Variants in GABRB3 observed in about 807,000 individuals in gnomAD.
GABRB3 encodes the protein gamma-aminobutyric acid receptor subunit beta-3.
GABRB3 carries 14 observed loss-of-function variants against 52.1 expected under a neutral mutation model. That is an observed-to-expected ratio of 0.27 (90% CI 0.18 to 0.42). The LOEUF (loss-of-function observed/expected upper bound fraction) is 0.42. Among genes scored for constraint, GABRB3 ranks in the 10% least tolerant of loss-of-function variants. The pLI is 1.00. For synonymous variants in GABRB3, 260 were observed against 232.3 expected (o/e 1.12, Z -1.08); for missense variants, 307 against 609.1 (o/e 0.50, Z 5.22).
At chr15:26,702,913 T>C (rs1305061417) in intron 3 of GABRB3, among the ~76,000 whole-genome samples, 1 of 152,208 alleles carries the variant, frequency 6.6e-6, no homozygotes, top group African/African-American at 2.4e-5. Flanking sequence ...TTACAGCCTT[T>C]TGGAGGCTGG....
chr15:26,646,847 T>G (rs950992271), intron 3 of GABRB3, among the ~76,000 whole-genome samples: 3 of 152,176 alleles, frequency 2.0e-5, no homozygotes, highest in Non-Finnish European at 4.4e-5. Flanking sequence ...ACTTCTTTTT[T>G]GTTTGTTTGT....
At chr15:26,681,909 G>T (rs537066181) in intron 3 of GABRB3, among the ~76,000 whole-genome samples, 17 of 152,094 alleles carry the variant, frequency 1.1e-4, no homozygotes, top group Non-Finnish European at 2.2e-4. Flanking sequence ...AGTGAGCTAT[G>T]ACTGAGCCAC....
intron 8 of GABRB3, among the ~76,000 whole-genome samples, chr15:26,556,445 C>CA (rs1234777588): frequency 1.3e-5 from 2 of 152,180 alleles, no homozygotes; most frequent in African/African-American, 4.8e-5. Flanking sequence ...GTCTGCAGCT[C>CA]TGATTCCTTG....
chr15:26,661,552 C>T (rs564452882), intron 3 of GABRB3, among the ~76,000 whole-genome samples: 7 of 152,250 alleles, frequency 4.6e-5, no homozygotes, highest in East Asian at 1.9e-4. Flanking sequence ...GCTTGGGGAA[C>T]GCAGACAAAA....
rs905970568 is a variant in GABRB3 at position 26,580,176 on chromosome 15, AGG to A, written c.682+141_682+142del. The A allele has an allele frequency of 8.3e-6, 8 of 960,438 alleles. No individual in the cohort carries two copies. In the African/African-American group the frequency reaches 1.3e-4, roughly 15 times the overall value. The allele number at this position is 960,438 out of a possible 1,614,324, so 59.5% of individuals were successfully genotyped here. ...TCACTCTCCTTTAGATACAGAGAGG[AGG>A]GGTGTGTGTGATGTGTGAATGATAA... On this transcript the variant is annotated intron_variant, in intron 6 of 8. Coordinates refer to ENST00000311550, the MANE Select transcript of GABRB3 (RefSeq NM_000814.6).
intron 3 of GABRB3, among the ~76,000 whole-genome samples, chr15:26,752,142 T>G (rs1412749724): frequency 6.6e-6 from 1 of 152,154 alleles, no homozygotes; most frequent in Non-Finnish European, 1.5e-5. Flanking sequence ...CCACAGTACC[T>G]AAGGGAAGGG....
chr15:26,675,728 C>G (rs1888048341), intron 3 of GABRB3, among the ~76,000 whole-genome samples: 1 of 151,966 alleles, frequency 6.6e-6, no homozygotes, highest in South Asian at 2.1e-4. Context: ...AGCAAAATTA[C>G]TAGGAGGTAA....
intron 3 of GABRB3, among the ~76,000 whole-genome samples, chr15:26,766,898 A>T (rs1891012352): frequency 6.6e-6 from 1 of 152,104 alleles, no homozygotes; most frequent in Non-Finnish European, 1.5e-5. Flanking sequence ...TTTTTAAGAG[A>T]TGTAACATAA....
At position 26,677,663 on chromosome 15, in the gene GABRB3, T is replaced by C. The variant is rs376064096; in HGVS notation, c.241-56129A>G. Among the ~76,000 whole-genome samples the C allele has an allele frequency of 1.7e-4, 26 of 152,304 alleles. 2 individuals are homozygous for C. In the East Asian group the frequency reaches 3.1e-3, roughly 18 times the overall value. ...CAATTTACGGTAAAGGGAACCAAAA[T>C]TACAATACTACATTGTGATATGGAG... On this transcript the variant is annotated intron_variant, in intron 3 of 8. Transcript: ENST00000311550.
At chr15:26,733,387 A>C (rs1889985257) in intron 3 of GABRB3, among the ~76,000 whole-genome samples, 1 of 152,156 alleles carries the variant, frequency 6.6e-6, no homozygotes, top group Non-Finnish European at 1.5e-5. Flanking sequence ...CTGAAAAGAA[A>C]GTTACAGAAA....
intron 3 of GABRB3, among the ~76,000 whole-genome samples, chr15:26,702,486 C>T (rs558598562): frequency 6.6e-6 from 1 of 152,286 alleles, no homozygotes; most frequent in Admixed American, 6.5e-5. Context: ...CATCACTTGT[C>T]CTTAGGGACA....
At chr15:26,709,494 C>CT (rs1349831409) in intron 3 of GABRB3, among the ~76,000 whole-genome samples, 2 of 148,860 alleles carry the variant, frequency 1.3e-5, no homozygotes, top group African/African-American at 2.4e-5. Flanking sequence ...GCCACGTAAA[C>CT]CTCTTTTCTT....
chr15:26,559,141 C>T (rs994386502), intron 8 of GABRB3, among the ~76,000 whole-genome samples: 7 of 152,320 alleles, frequency 4.6e-5, no homozygotes, highest in South Asian at 4.1e-4. Context: ...TACAATTTGA[C>T]GTGAGATTTG....
intron 3 of GABRB3, among the ~76,000 whole-genome samples, chr15:26,650,410 G>C (rs567724319): frequency 3.0e-4 from 45 of 152,222 alleles, no homozygotes; most frequent in African/African-American, 1.0e-3. Flanking sequence ...CCTATGAGGA[G>C]AGGTCAGGCT....
At chr15:26,549,255 CAGG>C (rs1364529201) in intron 8 of GABRB3, among the ~76,000 whole-genome samples, 1 of 152,148 alleles carries the variant, frequency 6.6e-6, no homozygotes, top group Non-Finnish European at 1.5e-5. Context: ...GCTAGATAAG[CAGG>C]AGGTGAGGTG....
chr15:26,743,848 C>T (rs1489424803), intron 3 of GABRB3, among the ~76,000 whole-genome samples: 1 of 152,140 alleles, frequency 6.6e-6, no homozygotes, highest in African/African-American at 2.4e-5. Flanking sequence ...CAGATGCACA[C>T]AAATATCAAC....
At chr15:26,632,902 C>T (rs1892949457) in intron 3 of GABRB3, among the ~76,000 whole-genome samples, 1 of 152,184 alleles carries the variant, frequency 6.6e-6, no homozygotes, top group African/African-American at 2.4e-5. Context: ...TGTACTTTCT[C>T]TTGTCTCAAG....
chr15:26,561,308 G>C, intron 7 of GABRB3, 132 bp from the exon 8 acceptor site: 2 of 1,226,090 alleles, frequency 1.6e-6, no homozygotes, highest in Non-Finnish European at 2.4e-6. Context: ...GGGGTGACTG[G>C]AATGCAACAG....
At position 26,669,392 on chromosome 15, in the gene GABRB3, T is replaced by C. The variant is rs1887817226; in HGVS notation, c.241-47858A>G. ...GGGGATTATGCTGGTATCTTCCTCG[T>C]TGATGTGCAGTGAGCAGTGAATCAT... is the stretch of plus-strand genomic sequence containing the variant. On this transcript the variant is annotated intron_variant, in intron 3 of 8. Transcript: ENST00000311550. Among the ~76,000 whole-genome samples, 5 of 152,212 alleles carry C rather than the reference T, an allele frequency of 3.3e-5. No individual in the cohort carries two copies. In the South Asian group the frequency reaches 8.3e-4, roughly 25 times the overall value.
Sources: gnomAD v4.1 joint callset for allele counts (sites outside exome capture counted in the v4.1 genomes callset) on GRCh38, gnomAD v4.1.1 for gene constraint, MANE v1.5 for transcripts, NCBI Gene and HGNC (gene_info 2026-07-23, HGNC 2026-07-21) for gene names.